DGKB: variants seen among roughly 807,000 people sequenced by gnomAD.
DGKB encodes the protein diacylglycerol kinase beta.
Under a neutral mutation model 114.3 loss-of-function variants are expected in DGKB, and 67 were observed. The observed-to-expected ratio is 0.59, with a 90% confidence interval of 0.48 to 0.72. The LOEUF (loss-of-function observed/expected upper bound fraction) is 0.72, where lower values mean the gene tolerates loss of function less well. DGKB is among the 30% of genes least tolerant of loss of function. The pLI, the probability that DGKB is intolerant of heterozygous loss-of-function variation, is 0.00. For missense variants in DGKB, 907 were observed against 975.2 expected (o/e 0.93, Z 0.93); for synonymous variants, 398 against 323.1 (o/e 1.23, Z -2.49).
chr7:14,942,343 T>C (rs1453900412), intron 1 of DGKB, among the ~76,000 whole-genome samples: 1 of 152,020 alleles, frequency 6.6e-6, no homozygotes, highest in East Asian at 1.9e-4. Flanking sequence ...TAAAACACGA[T>C]ATATTCAGCA....
At chr7:14,864,794 C>CA (rs34188189) in intron 1 of DGKB, among the ~76,000 whole-genome samples, 65,568 of 141,452 alleles carry the variant, frequency 0.46, 17,877 homozygotes, top group Non-Finnish European at 0.64. Context: ...GAGATGATGA[C>CA]AAAAAAAAAA....
At chr7:14,492,050 T>G (rs990543363) in intron 20 of DGKB, among the ~76,000 whole-genome samples, 7 of 152,134 alleles carry the variant, frequency 4.6e-5, no homozygotes, top group Non-Finnish European at 5.9e-5. Context: ...TATAAATGAT[T>G]AATTTTTAAT....
intron 23 of DGKB, among the ~76,000 whole-genome samples, chr7:14,326,747 C>T (rs189567086): frequency 4.9e-4 from 75 of 152,174 alleles, no homozygotes; most frequent in African/African-American, 1.2e-3. Flanking sequence ...CCCCTGAACC[C>T]GCCTTCCTCT....
intron 9 of DGKB, among the ~76,000 whole-genome samples, chr7:14,687,213 G>A (rs1037649880): frequency 1.3e-5 from 2 of 152,072 alleles, no homozygotes; most frequent in Admixed American, 6.5e-5. Context: ...TCTGACTCAG[G>A]AGTCTCATGT....
At chr7:14,706,404 C>A (rs1471872142) in intron 6 of DGKB, among the ~76,000 whole-genome samples, 12 of 147,244 alleles carry the variant, frequency 8.1e-5, no homozygotes, top group Non-Finnish European at 1.5e-4. Context: ...TTAGACAGAT[C>A]AACGAGACAG....
At chr7:14,946,621 A>C (rs1785897889) in intron 1 of DGKB, among the ~76,000 whole-genome samples, 2 of 151,796 alleles carry the variant, frequency 1.3e-5, no homozygotes, top group Admixed American at 6.6e-5. Flanking sequence ...ATGTTTCCAA[A>C]TGTCTTGCAC....
chr7:14,825,404 C>T (rs762532890), intron 2 of DGKB, among the ~76,000 whole-genome samples: 7 of 152,088 alleles, frequency 4.6e-5, no homozygotes, highest in Non-Finnish European at 7.4e-5. Context: ...GGGAGCCCTA[C>T]GCTTGTTTTC....
At chr7:14,754,049 G>T in intron 3 of DGKB, 101 bp from the exon 4 acceptor site, 1 of 871,010 alleles carries the variant, frequency 1.1e-6, no homozygotes, top group Non-Finnish European at 1.8e-6. Flanking sequence ...CAAGTTTACA[G>T]GTTGATTTTA....
chr7:14,643,818 A>G (rs749108853), intron 13 of DGKB, among the ~76,000 whole-genome samples: 15 of 152,160 alleles, frequency 9.9e-5, no homozygotes, highest in South Asian at 2.1e-4. Flanking sequence ...CCAGTGCCCC[A>G]ATGTGTGCCA....
chr7:14,857,332 C>T (rs1850327767), intron 1 of DGKB, among the ~76,000 whole-genome samples: 1 of 148,288 alleles, frequency 6.7e-6, no homozygotes. Flanking sequence ...CAAGGGAATA[C>T]ATTCTGTCAA....
At chr7:14,370,789 C>T (rs1234372361) in intron 21 of DGKB, among the ~76,000 whole-genome samples, 6 of 152,090 alleles carry the variant, frequency 3.9e-5, no homozygotes, top group African/African-American at 1.4e-4. Context: ...GCATAGTACT[C>T]AATAGTTTTT....
chr7:14,919,074 A>T (rs1044152288), intron 1 of DGKB, among the ~76,000 whole-genome samples: 10 of 124,988 alleles, frequency 8.0e-5, no homozygotes, highest in Non-Finnish European at 1.3e-4. Context: ...ACACACACAC[A>T]CACACACACA....
At chr7:14,311,321 C>G (rs1295900511) in intron 23 of DGKB, among the ~76,000 whole-genome samples, 1 of 152,174 alleles carries the variant, frequency 6.6e-6, no homozygotes, top group Non-Finnish European at 1.5e-5. Context: ...CAAGGTATTA[C>G]TGGATTATAC....
At chr7:14,197,483 C>T (rs1785194282) in intron 23 of DGKB, among the ~76,000 whole-genome samples, 1 of 152,094 alleles carries the variant, frequency 6.6e-6, no homozygotes, top group Middle Eastern at 3.4e-3. Flanking sequence ...TAGCCTTATT[C>T]AGTGCCTTGT....
chr7:14,586,022 A>G (rs1011675363), intron 17 of DGKB, among the ~76,000 whole-genome samples: 1 of 152,084 alleles, frequency 6.6e-6, no homozygotes, highest in African/African-American at 2.4e-5. Context: ...TAACAACCCT[A>G]CAATGTCCTC....
intron 14 of DGKB, among the ~76,000 whole-genome samples, chr7:14,622,805 A>C (rs1025450553): frequency 3.3e-5 from 5 of 152,028 alleles, no homozygotes; most frequent in Admixed American, 6.6e-5. Context: ...TTCCTTGATC[A>C]TAACAATCAT....
chr7:14,575,726 A>G (rs1799026094), intron 19 of DGKB, among the ~76,000 whole-genome samples: 1 of 152,216 alleles, frequency 6.6e-6, no homozygotes, highest in Non-Finnish European at 1.5e-5. Flanking sequence ...ACATAGTCCT[A>G]AAATGATTAT....
intron 2 of DGKB, among the ~76,000 whole-genome samples, chr7:14,815,770 G>A (rs1045967993): frequency 3.3e-5 from 5 of 152,084 alleles, no homozygotes; most frequent in African/African-American, 1.2e-4. Flanking sequence ...TTATTCAACA[G>A]CAGCACAAAA....
At chr7:14,684,381 G>T (rs547390269) in intron 10 of DGKB, among the ~76,000 whole-genome samples, 112 of 152,236 alleles carry the variant, frequency 7.4e-4, no homozygotes, top group African/African-American at 2.6e-3. Context: ...GAACTTGACA[G>T]TTTCAGTAAT....
Sources: allele counts gnomAD v4.1 joint callset (sites outside exome capture counted in the v4.1 genomes callset), GRCh38; gene constraint gnomAD v4.1.1; transcripts MANE v1.5; gene names NCBI Gene and HGNC (gene_info 2026-07-23, HGNC 2026-07-21).